Variants in TFB1M observed in about 807,000 individuals in gnomAD.
The protein encoded by TFB1M is dimethyladenosine transferase 1, mitochondrial.
A neutral mutation model predicts 31.1 loss-of-function variants in TFB1M; 27 were observed. The observed-to-expected ratio is 0.87, with a 90% CI of 0.64 to 1.20. TFB1M has a LOEUF of 1.20. Ranked by LOEUF, TFB1M falls within the 50% of genes most tolerant of loss-of-function variation. TFB1M has a pLI of 0.00. For missense variants in TFB1M, 394 were observed against 418.7 expected (o/e 0.94, Z 0.51); for synonymous variants, 166 against 151.8 (o/e 1.09, Z -0.69).
chr6:155,305,780 T>G (rs1225025392), intron 2 of TFB1M, among the ~76,000 whole-genome samples: 2 of 127,656 alleles, frequency 1.6e-5, no homozygotes, highest in Non-Finnish European at 3.1e-5. Flanking sequence ...TATATATAAA[T>G]AAAACAAATT....
intron 5 of TFB1M, among the ~76,000 whole-genome samples, chr6:155,277,370 A>G (rs1284208428): frequency 2.0e-5 from 3 of 152,244 alleles, no homozygotes; most frequent in African/African-American, 7.2e-5. Flanking sequence ...ATAAATTATG[A>G]TATGTGATTC....
At chr6:155,246,601 G>C in the TFB1M span, among the ~76,000 whole-genome samples, 1 of 152,156 alleles carries the variant, frequency 6.6e-6, no homozygotes, top group East Asian at 1.9e-4. Flanking sequence ...CTCCCAAAGT[G>C]CTGGGATTAT....
chr6:155,245,653 C>A, the TFB1M span: 1 of 1,613,840 alleles, frequency 6.2e-7, no homozygotes, highest in Non-Finnish European at 8.5e-7. Context: ...AGGCTCTTTC[C>A]TTTATTACGC....
chr6:155,290,412 A>T (rs1194909390), intron 4 of TFB1M, among the ~76,000 whole-genome samples: 1 of 150,986 alleles, frequency 6.6e-6, no homozygotes, highest in Non-Finnish European at 1.5e-5. Context: ...AAAAAAAAAG[A>T]AAAGAATGGA....
chr6:155,243,504 T>A, the TFB1M span, among the ~76,000 whole-genome samples: 2 of 152,178 alleles, frequency 1.3e-5, no homozygotes, highest in African/African-American at 4.8e-5. Flanking sequence ...TATTGTGATA[T>A]TAAACTCTTT....
intron 5 of TFB1M, among the ~76,000 whole-genome samples, chr6:155,265,367 G>A (rs540829775): frequency 6.6e-6 from 1 of 152,142 alleles, no homozygotes; most frequent in Non-Finnish European, 1.5e-5. Context: ...AAAAGACTGA[G>A]AAATAGAACA....
intron 5 of TFB1M, among the ~76,000 whole-genome samples, chr6:155,274,404 T>C (rs1056255000): frequency 4.6e-5 from 7 of 152,254 alleles, no homozygotes; most frequent in Non-Finnish European, 8.8e-5. Flanking sequence ...GGTCTTTTCC[T>C]TCCTCTTAAA....
At chr6:155,264,412 A>G (rs1784528551) in intron 5 of TFB1M, 1 of 152,162 alleles carries the variant, frequency 6.6e-6, no homozygotes, top group Non-Finnish European at 1.5e-5. Flanking sequence ...GAATTGGTTC[A>G]CTCTACCTGT....
At chr6:155,254,908 C>A, downstream of TFB1M, 1 of 204,766 alleles carries the variant, frequency 4.9e-6, no homozygotes, top group Non-Finnish European at 1.0e-5. Context: ...TCCTGAAGGT[C>A]AATGCTGAAT....
intron 2 of TFB1M, 66 bp from the exon 3 acceptor site, chr6:155,298,651 T>G: frequency 1.8e-6 from 2 of 1,090,140 alleles, no homozygotes; most frequent in Non-Finnish European, 2.8e-6. Flanking sequence ...CTAAACTTTT[T>G]AAACCTGTGC....
intron 4 of TFB1M, among the ~76,000 whole-genome samples, chr6:155,286,113 C>T (rs922269602): frequency 9.9e-5 from 15 of 151,950 alleles, no homozygotes; most frequent in Non-Finnish European, 1.3e-4. Context: ...ATTTAACACA[C>T]GATAGATGCG....
At chr6:155,242,914 C>A in the TFB1M span, among the ~76,000 whole-genome samples, 2 of 126,578 alleles carry the variant, frequency 1.6e-5, no homozygotes, top group Non-Finnish European at 1.7e-5. Context: ...TTTTTTTTTT[C>A]TTTTTTTTAG....
intron 6 of TFB1M, 141 bp from the exon 7 acceptor site, chr6:155,258,223 G>A: frequency 9.5e-7 from 1 of 1,047,750 alleles, no homozygotes; most frequent in Non-Finnish European, 1.4e-6. Flanking sequence ...GAGCCTCTTG[G>A]ATTATATAGC....
chr6:155,314,135 G>T, intron 1 of TFB1M, 161 bp downstream of exon 1: 1 of 1,475,944 alleles, frequency 6.8e-7, no homozygotes. Context: ...TCTCCTGGGC[G>T]GTGGGACCGG....
At position 155,256,514 on chromosome 6, in the gene TFB1M, A is replaced by G; in HGVS notation, c.*1322T>C. 1 of 1,614,230 alleles carries G rather than the reference A, an allele frequency of 6.2e-7. No individual in the cohort carries two copies. On this transcript the variant is annotated 3_prime_UTR_variant, in exon 7 of 7. Transcript: ENST00000367166. The stretch of plus-strand genomic sequence containing the variant: ...TCCAGGTCTTTAAAAGTCCTGAAGA[A>G]TTCCTCCAGCAACGAGTGGACCGGT...
chr6:155,290,002 T>C (rs1361154859), intron 4 of TFB1M, among the ~76,000 whole-genome samples: 1 of 152,192 alleles, frequency 6.6e-6, no homozygotes, highest in Non-Finnish European at 1.5e-5. Flanking sequence ...CCATGCTTCC[T>C]GTAGAGTTGC....
chr6:155,247,999 G>T, the TFB1M span: 1 of 1,613,866 alleles, frequency 6.2e-7, no homozygotes, highest in African/African-American at 1.3e-5. Context: ...TCTGCTTGTA[G>T]CTAAAACTGA....
chr6:155,286,541 GTA>G (rs1367412983), intron 4 of TFB1M, among the ~76,000 whole-genome samples: 2 of 143,774 alleles, frequency 1.4e-5, no homozygotes, highest in African/African-American at 5.4e-5. Context: ...ATATACATGT[GTA>G]TATATGTGTG....
the TFB1M span, among the ~76,000 whole-genome samples, chr6:155,247,436 C>T: frequency 6.6e-6 from 1 of 152,120 alleles, no homozygotes; most frequent in Non-Finnish European, 1.5e-5. Flanking sequence ...TCAGGTGATT[C>T]TCCTCCCTCA....
Sources: allele counts gnomAD v4.1 joint callset (sites outside exome capture counted in the v4.1 genomes callset), GRCh38; gene constraint gnomAD v4.1.1; transcripts MANE v1.5; gene names NCBI Gene and HGNC (gene_info 2026-07-23, HGNC 2026-07-21).